Variants in GALNT16 observed in about 807,000 individuals in gnomAD.
The protein encoded by GALNT16 is polypeptide N-acetylgalactosaminyltransferase 16, also known as UDP-GalNAc:polypeptide N-acetylgalactosaminyltransferase-like protein 1.
In GALNT16, 40 loss-of-function variants were observed where a neutral mutation model predicts 76.1. The observed-to-expected ratio is 0.53, with a 90% CI of 0.41 to 0.68. The LOEUF (loss-of-function observed/expected upper bound fraction) is 0.68. Among genes scored for constraint, GALNT16 ranks in the 30% least tolerant of loss-of-function variants. The pLI is 0.00. For synonymous variants in GALNT16, 276 were observed against 285.2 expected, an observed-to-expected ratio of 0.97 and a Z score of 0.32; for missense variants, 621 against 731.9, an observed-to-expected ratio of 0.85 and a Z score of 1.75.
At chr14:69,326,850 G>A (rs1193121867) in intron 5 of GALNT16, among the ~76,000 whole-genome samples, 1 of 152,138 alleles carries the variant, frequency 6.6e-6, no homozygotes, top group Non-Finnish European at 1.5e-5. Flanking sequence ...ATTTGCCCAG[G>A]GTGATGAATA....
At chr14:69,316,692 C>A (rs2045104847) in intron 1 of GALNT16, among the ~76,000 whole-genome samples, 1 of 145,928 alleles carries the variant, frequency 6.9e-6, no homozygotes, top group Non-Finnish European at 1.5e-5. Flanking sequence ...AAGTAAGGGG[C>A]AGCAGTGGAA....
At chr14:69,275,346 G>A (rs2044458484) in intron 1 of GALNT16, among the ~76,000 whole-genome samples, 2 of 152,166 alleles carry the variant, frequency 1.3e-5, no homozygotes, top group Non-Finnish European at 2.9e-5. Flanking sequence ...GTACCTTGCA[G>A]GAGTAAAATA....
At chr14:69,343,011 GC>G (rs1287639827) in intron 12 of GALNT16, among the ~76,000 whole-genome samples, 1 of 152,194 alleles carries the variant, frequency 6.6e-6, no homozygotes, top group Non-Finnish European at 1.5e-5. Flanking sequence ...GAGGGTGGAG[GC>G]TTTGATCTGT....
In GALNT16 at chr14:69,291,683, CTCAAGG is replaced by C. The variant is rs2044689088; in HGVS notation, c.178-29024_178-29019del. 3.3e-5 allele frequency among the ~76,000 whole-genome samples: 5 copies of C among 152,324 alleles called. No individual in the cohort carries two copies. In the Middle Eastern group the frequency reaches 0.01, roughly 311 times the overall value. On this transcript the variant is annotated intron_variant, in intron 1 of 14. Transcript: ENST00000448469. ...ACAATCCTCGCCTCTGCCAGGAAGG[CTCAAGG>C]TCATGTGGAACAGGAGTTCCACCCC...
intron 9 of GALNT16, among the ~76,000 whole-genome samples, chr14:69,335,794 A>G (rs889585934): frequency 1.3e-5 from 2 of 152,134 alleles, no homozygotes; most frequent in African/African-American, 4.8e-5. Flanking sequence ...CCTTTATTGA[A>G]GGAAGGGAGA....
chr14:69,379,364 T>C, the GALNT16 span, among the ~76,000 whole-genome samples: 1 of 152,204 alleles, frequency 6.6e-6, no homozygotes, highest in Non-Finnish European at 1.5e-5. Flanking sequence ...ATTAACCAGA[T>C]TATTCTATAG....
chr14:69,276,815 G>T (rs564420879), intron 1 of GALNT16, among the ~76,000 whole-genome samples: 1 of 152,340 alleles, frequency 6.6e-6, no homozygotes, highest in African/African-American at 2.4e-5. Context: ...TGATTTTAAA[G>T]CATGTTTAAA....
At chr14:69,324,590 C>T in intron 2 of GALNT16, 102 bp from the exon 3 acceptor site, 1 of 611,428 alleles carries the variant, frequency 1.6e-6, no homozygotes, top group Non-Finnish European at 2.8e-6. Context: ...CCTTCTCTGC[C>T]TGGCAGAAGT....
intron 2 of GALNT16, among the ~76,000 whole-genome samples, chr14:69,323,030 T>A (rs2140167038): frequency 7.0e-6 from 1 of 142,550 alleles, no homozygotes; most frequent in Admixed American, 7.1e-5. Flanking sequence ...GCAAAGGACG[T>A]GCTGGCTTTA....
intron 3 of GALNT16, 24 bp from the exon 4 acceptor site, chr14:69,325,313 T>C: frequency 6.7e-7 from 1 of 1,502,434 alleles, no homozygotes; most frequent in East Asian, 2.3e-5. Context: ...CCAGGCTCTT[T>C]CTCTGTTTCC....
At chr14:69,294,337 G>A (rs899380798) in intron 1 of GALNT16, among the ~76,000 whole-genome samples, 1 of 152,168 alleles carries the variant, frequency 6.6e-6, no homozygotes, top group African/African-American at 2.4e-5. Flanking sequence ...GGTCAGGCTG[G>A]TCTTGAACTC....
intron 12 of GALNT16, 36 bp downstream of exon 12, chr14:69,341,800 G>A (rs1376939571): frequency 8.1e-6 from 12 of 1,480,596 alleles, no homozygotes; most frequent in East Asian, 4.6e-5. Context: ...TCCCCCAGGC[G>A]GGTAGGGGGT....
intron 2 of GALNT16, among the ~76,000 whole-genome samples, chr14:69,322,359 G>T (rs1390205189): frequency 6.6e-6 from 1 of 152,200 alleles, no homozygotes; most frequent in East Asian, 1.9e-4. Context: ...CCTAGCCATG[G>T]CTGACCTAGT....
At chr14:69,359,823 G>A (rs566757718), downstream of GALNT16, among the ~76,000 whole-genome samples, 159 of 151,792 alleles carry the variant, frequency 1.0e-3, no homozygotes, top group African/African-American at 3.6e-3. Flanking sequence ...TCAGGAGATC[G>A]AGACCATCCT....
At chr14:69,269,664 G>A (rs1383303554) in intron 1 of GALNT16, among the ~76,000 whole-genome samples, 1 of 150,260 alleles carries the variant, frequency 6.7e-6, no homozygotes, top group African/African-American at 2.5e-5. Flanking sequence ...TGGGGTTTGT[G>A]TGTGTGTAGT....
chr14:69,381,107 C>A, the GALNT16 span, among the ~76,000 whole-genome samples: 328 of 152,266 alleles, frequency 2.2e-3, 14 homozygotes, highest in East Asian at 0.052. Context: ...CATGGTGAAA[C>A]CTTGTCTCTA....
chr14:69,337,016 C>T (rs965389150), intron 9 of GALNT16, among the ~76,000 whole-genome samples: 7 of 152,186 alleles, frequency 4.6e-5, no homozygotes, highest in East Asian at 1.9e-4. Flanking sequence ...CGTGAACCAC[C>T]GCACCTGGCT....
At chr14:69,381,401 A>G in the GALNT16 span, among the ~76,000 whole-genome samples, 6 of 152,254 alleles carry the variant, frequency 3.9e-5, no homozygotes, top group Admixed American at 6.5e-5. Flanking sequence ...TAAAGTATTA[A>G]GGAAATCTTA....
chr14:69,303,128 T>C (rs779043815), intron 1 of GALNT16, among the ~76,000 whole-genome samples: 2 of 152,206 alleles, frequency 1.3e-5, no homozygotes, highest in Non-Finnish European at 2.9e-5. Context: ...TTTAAAGGCT[T>C]TTGATGCATT....
Sources: gnomAD v4.1 joint callset for allele counts (sites outside exome capture counted in the v4.1 genomes callset) on GRCh38, gnomAD v4.1.1 for gene constraint, MANE v1.5 for transcripts, NCBI Gene and HGNC (gene_info 2026-07-23, HGNC 2026-07-21) for gene names.